Variants in CYP19A1 observed in about 807,000 individuals in gnomAD.
The protein encoded by CYP19A1 is cytochrome P450 family 19 subfamily A member 1.
Under a neutral mutation model 44.4 loss-of-function variants are expected in CYP19A1, and 32 were observed. That is an observed-to-expected ratio of 0.72 (90% CI 0.54 to 0.97). The LOEUF is 0.97. Among genes scored for constraint, CYP19A1 ranks in the 50% least tolerant of loss-of-function variants. The pLI is 0.00. For synonymous variants in CYP19A1, 212 were observed against 215.6 expected, an observed-to-expected ratio of 0.98 and a Z score of 0.14; for missense variants, 598 against 637.8, an observed-to-expected ratio of 0.94 and a Z score of 0.67.
At chr15:51,317,612 T>C (rs2036451660) in intron 1 of CYP19A1, among the ~76,000 whole-genome samples, 1 of 152,012 alleles carries the variant, frequency 6.6e-6, no homozygotes, top group South Asian at 2.1e-4. Flanking sequence ...GAACATTCTG[T>C]CTAGGGGTGA....
chr15:51,215,456 GT>G (rs1337290535), intron 7 of CYP19A1, among the ~76,000 whole-genome samples: 1 of 152,124 alleles, frequency 6.6e-6, no homozygotes, highest in Admixed American at 6.5e-5. Flanking sequence ...CCCCCAACTT[GT>G]TTTCATATTT....
chr15:51,297,869 C>CACACACACACACACACACACACACACA (rs3078038), intron 1 of CYP19A1, among the ~76,000 whole-genome samples: 1 of 149,460 alleles, frequency 6.7e-6, no homozygotes, highest in Non-Finnish European at 1.5e-5. Context: ...CACACACACA[C>CACACACACACACACACACACACACACA]CCTAGGCCTG....
At chr15:51,291,080 G>A (rs546082769) in intron 1 of CYP19A1, among the ~76,000 whole-genome samples, 2 of 152,292 alleles carry the variant, frequency 1.3e-5, no homozygotes, top group South Asian at 4.2e-4. Context: ...CCATGTGATT[G>A]AGCCATCCTA....
intron 1 of CYP19A1, among the ~76,000 whole-genome samples, chr15:51,305,278 A>G (rs1251137743): frequency 6.6e-6 from 1 of 152,204 alleles, no homozygotes; most frequent in Non-Finnish European, 1.5e-5. Context: ...GATTTTAGAA[A>G]GTGCCTGAGT....
intron 1 of CYP19A1, chr15:51,312,495 C>T (rs2036332348): frequency 6.6e-6 from 1 of 152,240 alleles, no homozygotes; most frequent in African/African-American, 2.4e-5. Flanking sequence ...GGTTTTCCTC[C>T]AGACCATCCA....
rs2030612240 is a variant in CYP19A1 at position 51,208,574 on chromosome 15, G to A, written c.*2234C>T. On this transcript the variant is annotated 3_prime_UTR_variant, in exon 10 of 10. Transcript: ENST00000396402. ...AATGTGTTCATCAGCCTACTGAAAA[G>A]CCAATGGTATTCCAGAATTCCAAGG... 1 of 152,134 alleles carries A rather than the reference G, an allele frequency of 6.6e-6. No individual in the cohort carries two copies. Among genetic ancestry groups the A allele is most frequent in the Non-Finnish European group, 1.5e-5 (1 of 68,006 alleles). 9.4% of individuals were successfully genotyped at this position (152,134 alleles called of 1,614,324 possible). A position where few individuals can be genotyped will look rare whatever the true frequency, so the allele number is the denominator to read the frequency against.
At chr15:51,257,426 C>T (rs556792739) in intron 1 of CYP19A1, among the ~76,000 whole-genome samples, 14 of 152,294 alleles carry the variant, frequency 9.2e-5, no homozygotes, top group African/African-American at 2.6e-4. Context: ...GGTAGTGATT[C>T]GGTAAGGACA....
rs116041983 is a variant in CYP19A1 at position 51,285,143 on chromosome 15, A to G, written c.-38-42193T>C. Among the ~76,000 whole-genome samples, 837 of 152,312 alleles carry G rather than the reference A, an allele frequency of 5.5e-3. 11 individuals are homozygous for G. Among genetic ancestry groups the G allele is most frequent in the African/African-American group, 0.019 (805 of 41,574 alleles). ...TTACCTACAGATGCTTAACGGACCA[A>G]TGCTTTCTGACTGAGTGCCTCTCTA... On this transcript the variant is annotated intron_variant, in intron 1 of 9. Coordinates refer to ENST00000396402, the MANE Select transcript of CYP19A1 (RefSeq NM_000103.4).
Position 51,236,947 on chromosome 15 carries a change from T to C in CYP19A1, c.208A>G (p.Ile70Val). The change falls in exon 3 of 10, where the codon ATC becomes GTC. Residue 70 changes from isoleucine to valine, a missense_variant. Ile to Val is a conservative substitution (Grantham distance 29, BLOSUM62 3). Coordinates refer to ENST00000396402, the MANE Select transcript of CYP19A1 (RefSeq NM_000103.4). ...TTGTAGTAGTTGCAGGCACTGCCGA[T>C]CCCCATCCACAGGAATCTGCCGTGG... ...ISHGRFLWMG[I>V]GSACNYYNRV... 1 of 1,614,202 alleles carries C rather than the reference T, an allele frequency of 6.2e-7. No homozygotes were observed. The highest frequency in any genetic ancestry group is 1.3e-5 in the African/African-American group (1 of 75,050).
At chr15:51,268,526 C>A (rs993820397) in intron 1 of CYP19A1, among the ~76,000 whole-genome samples, 2 of 140,458 alleles carry the variant, frequency 1.4e-5, no homozygotes, top group Non-Finnish European at 3.1e-5. Context: ...CCTTCCCCCC[C>A]CCCCTTTTTT....
At chr15:51,326,234 T>C (rs1403244634) in intron 1 of CYP19A1, among the ~76,000 whole-genome samples, 1 of 152,204 alleles carries the variant, frequency 6.6e-6, no homozygotes, top group Non-Finnish European at 1.5e-5. Flanking sequence ...AAGATTTTTC[T>C]TACTGAGCAC....
intron 1 of CYP19A1, among the ~76,000 whole-genome samples, chr15:51,313,388 G>A (rs2036354265): frequency 1.3e-5 from 2 of 152,166 alleles, no homozygotes; most frequent in African/African-American, 4.8e-5. Flanking sequence ...GGGGCCATAG[G>A]CCTGAACCTT....
intron 1 of CYP19A1, among the ~76,000 whole-genome samples, chr15:51,283,125 G>A (rs1233097788): frequency 6.6e-6 from 1 of 151,646 alleles, no homozygotes; most frequent in Non-Finnish European, 1.5e-5. Context: ...AGATGATGAG[G>A]TAGATTCAGA....
chr15:51,254,193 G>A (rs543742783), intron 1 of CYP19A1, among the ~76,000 whole-genome samples: 1 of 152,306 alleles, frequency 6.6e-6, no homozygotes, highest in African/African-American at 2.4e-5. Context: ...TAGCTAAACT[G>A]CCTGTGGGTG....
At chr15:51,222,289 C>T (rs568353567) in intron 5 of CYP19A1, 60 bp downstream of exon 5, 3 of 1,613,270 alleles carry the variant, frequency 1.9e-6, no homozygotes, top group African/African-American at 1.3e-5. Context: ...TGTTATCCCT[C>T]CTAGCTCCTT....
chr15:51,319,975 A>G (rs1361449094), intron 1 of CYP19A1, among the ~76,000 whole-genome samples: 1 of 152,242 alleles, frequency 6.6e-6, no homozygotes, highest in Non-Finnish European at 1.5e-5. Context: ...TCACAGAGCG[A>G]CACTTGAATG....
chr15:51,295,992 A>G (rs1408298214), intron 1 of CYP19A1, among the ~76,000 whole-genome samples: 1 of 152,004 alleles, frequency 6.6e-6, no homozygotes, highest in Non-Finnish European at 1.5e-5. Context: ...CCAAGGACAG[A>G]CTCCTGGATT....
Position 51,210,561 on chromosome 15 carries a change from C to A in CYP19A1, c.*247G>T, listed in dbSNP as rs571753768. 46 of 644,814 alleles carry A rather than the reference C, an allele frequency of 7.1e-5. 2 individuals carry two copies. The highest frequency in any genetic ancestry group is 5.6e-4 in the South Asian group (37 of 66,604). 39.9% of individuals were successfully genotyped at this position (644,814 alleles called of 1,614,324 possible). On this transcript the variant is annotated 3_prime_UTR_variant, in exon 10 of 10. Transcript: ENST00000396402. ...AATCGGGTCTTTATGGATACGGTTT[C>A]TTCACCGACTATTTCTCCCTCAAAC...
Position 51,236,849 on chromosome 15 carries a change from A to G in CYP19A1, c.296+10T>C. ...TTAAAAAGTATGTCTTCGATTATGAACAGACTCACTTGCTGATAATGAGTG... is the reference window on the plus strand; with the variant it reads ...TTAAAAAGTATGTCTTCGATTATGAGCAGACTCACTTGCTGATAATGAGTG... On this transcript the variant is annotated intron_variant, in intron 3 of 9. Transcript: ENST00000396402. 5 of 1,614,082 alleles carry G rather than the reference A, an allele frequency of 3.1e-6. No individual in the cohort carries two copies. The highest frequency in any genetic ancestry group is 4.2e-6 in the Non-Finnish European group (5 of 1,179,928).
Sources: gnomAD v4.1 joint callset for allele counts (sites outside exome capture counted in the v4.1 genomes callset) on GRCh38, gnomAD v4.1.1 for gene constraint, MANE v1.5 for transcripts, NCBI Gene and HGNC (gene_info 2026-07-23, HGNC 2026-07-21) for gene names.